The following KCNMA1 variants were observed in gnomAD, a reference collection of about 807,000 sequenced individuals.
KCNMA1 encodes the protein potassium calcium-activated channel subfamily M alpha 1.
KCNMA1 carries 29 observed loss-of-function variants against 140.0 expected under a neutral mutation model. That is an observed-to-expected ratio of 0.21 (90% confidence interval 0.15 to 0.28). The LOEUF (loss-of-function observed/expected upper bound fraction) is 0.28. Ranked by LOEUF, KCNMA1 falls within the 10% of genes least tolerant of loss-of-function variation. KCNMA1 has a pLI of 1.00. For synonymous variants in KCNMA1, 612 were observed against 611.9 expected, an observed-to-expected ratio of 1.00 and a Z score of 0.00; for missense variants, 880 against 1,602.2, an observed-to-expected ratio of 0.55 and a Z score of 7.70.
At chr10:77,057,270 C>T (rs1446024576) in intron 14 of KCNMA1, among the ~76,000 whole-genome samples, 1 of 152,080 alleles carries the variant, frequency 6.6e-6, no homozygotes, top group East Asian at 1.9e-4. Flanking sequence ...GAAAGTAGAA[C>T]AACACTTTTA....
At chr10:77,535,497 A>C (rs2058694173) in intron 1 of KCNMA1, among the ~76,000 whole-genome samples, 1 of 152,194 alleles carries the variant, frequency 6.6e-6, no homozygotes, top group African/African-American at 2.4e-5. Flanking sequence ...GTTCCTCAAA[A>C]AACTAAAAAT....
Position 76,893,406 on chromosome 10 carries a change from C to T in KCNMA1, c.3148-1687G>A, listed in dbSNP as rs79934052. On this transcript the variant is annotated intron_variant, in intron 25 of 27. Transcript: ENST00000286628. Reference sequence around the variant, plus strand: ...GTGGGGAACTCAGGGCTTTAAAAACCAAGCAAGGGATTTTAAACTCGATGT... The same window carrying T: ...GTGGGGAACTCAGGGCTTTAAAAACTAAGCAAGGGATTTTAAACTCGATGT... 8.8e-3 allele frequency among the ~76,000 whole-genome samples: 1,338 copies of T among 152,140 alleles called. 16 individuals are homozygous for T. The highest frequency in any genetic ancestry group is 0.031 in the African/African-American group (1,268 of 41,510).
At chr10:76,999,355 C>T (rs2085434686) in intron 19 of KCNMA1, among the ~76,000 whole-genome samples, 1 of 152,192 alleles carries the variant, frequency 6.6e-6, no homozygotes, top group African/African-American at 2.4e-5. Context: ...CAGAGTGGCT[C>T]CTTTCTTTTC....
intron 18 of KCNMA1, among the ~76,000 whole-genome samples, chr10:77,003,957 A>T (rs1283405850): frequency 6.6e-6 from 1 of 152,260 alleles, no homozygotes; most frequent in East Asian, 1.9e-4. Context: ...TGCAACTGTT[A>T]TTGTTAGCCG....
chr10:77,195,422 C>CA (rs1332005432), intron 3 of KCNMA1, among the ~76,000 whole-genome samples: 6 of 152,122 alleles, frequency 3.9e-5, no homozygotes, highest in African/African-American at 1.4e-4. Flanking sequence ...ACCTTTAAAA[C>CA]AAACTGTCAT....
At chr10:77,242,621 G>A (rs1238679245) in intron 3 of KCNMA1, among the ~76,000 whole-genome samples, 1 of 151,942 alleles carries the variant, frequency 6.6e-6, no homozygotes, top group Non-Finnish European at 1.5e-5. Flanking sequence ...TTTATATATG[G>A]CTGGACTTCC....
At chr10:76,911,263 G>C (rs1283498137) in intron 24 of KCNMA1, 1 of 152,054 alleles carries the variant, frequency 6.6e-6, no homozygotes, top group East Asian at 1.9e-4. Flanking sequence ...AGCATGAAAG[G>C]CTAGGCATGG....
chr10:77,337,712 A>T (rs964360788), intron 2 of KCNMA1, among the ~76,000 whole-genome samples: 1 of 152,186 alleles, frequency 6.6e-6, no homozygotes, highest in African/African-American at 2.4e-5. Context: ...CTGTTGACAA[A>T]TATTTCCTGC....
At chr10:76,959,875 TTC>T (rs1397518475) in intron 20 of KCNMA1, among the ~76,000 whole-genome samples, 3 of 152,236 alleles carry the variant, frequency 2.0e-5, no homozygotes, top group Admixed American at 6.5e-5. Context: ...TGTAGGTAAT[TTC>T]TGTTATTATC....
chr10:76,919,365 C>T (rs2054350779), intron 23 of KCNMA1, among the ~76,000 whole-genome samples: 2 of 152,186 alleles, frequency 1.3e-5, no homozygotes, highest in African/African-American at 4.8e-5. Flanking sequence ...GAACTCCTTA[C>T]ACTGTAAGTT....
chr10:76,910,804 A>G (rs1450275155), intron 24 of KCNMA1: 1 of 156,126 alleles, frequency 6.4e-6, no homozygotes, highest in Non-Finnish European at 1.4e-5. Context: ...AAACAGCTCA[A>G]TCTTTTATAT....
chr10:77,600,817 C>T (rs951387737), intron 1 of KCNMA1, among the ~76,000 whole-genome samples: 4 of 152,018 alleles, frequency 2.6e-5, no homozygotes, highest in Non-Finnish European at 5.9e-5. Flanking sequence ...ACAGACACAC[C>T]TTGTTCAAGG....
Position 77,575,088 on chromosome 10 carries a change from G to A in KCNMA1, c.378+62177C>T, listed in dbSNP as rs574354845. Among the ~76,000 whole-genome samples the A allele has an allele frequency of 1.3e-4, 20 of 152,268 alleles. No homozygotes were observed. In the East Asian group the frequency reaches 3.7e-3, roughly 28 times the overall value. On this transcript the variant is annotated intron_variant, in intron 1 of 27. Transcript: ENST00000286628. ...TGTTGCCCAGCCTCCTGGGAGATGG[G>A]CAGTGGCATAGCAAAGGGATTACTT...
intron 14 of KCNMA1, among the ~76,000 whole-genome samples, chr10:77,064,859 G>A (rs1178699423): frequency 6.6e-6 from 1 of 152,180 alleles, no homozygotes; most frequent in Non-Finnish European, 1.5e-5. Context: ...TGGATTTTCT[G>A]GCAGTTGAAG....
intron 1 of KCNMA1, among the ~76,000 whole-genome samples, chr10:77,531,952 A>G (rs1239280365): frequency 6.6e-6 from 1 of 152,216 alleles, no homozygotes. Flanking sequence ...CACTGAGGAA[A>G]TTGCCAATTA....
rs11325401 is a variant in KCNMA1, at chr10:77,204,098, G to GA, written c.603-19183dup. ...GGGACACAGTGAGACTCCCTCTCAG[G>GA]AAAAAAAAAAAAAAGAAAGAAAGAA... is the stretch of plus-strand genomic sequence containing the variant. On this transcript the variant is annotated intron_variant, in intron 3 of 27. Coordinates refer to ENST00000286628, the MANE Select transcript of KCNMA1 (RefSeq NM_001161352.2). Among the ~76,000 whole-genome samples the GA allele has an allele frequency of 5.7e-3, 690 of 120,164 alleles. 2 individuals are homozygous for GA. The highest frequency in any genetic ancestry group is 0.015 in the African/African-American group (496 of 32,926). 78.8% of individuals were successfully genotyped at this position (120,164 alleles called of 152,430 possible).
At chr10:77,595,879 T>C (rs892119011) in intron 1 of KCNMA1, among the ~76,000 whole-genome samples, 1 of 152,172 alleles carries the variant, frequency 6.6e-6, no homozygotes, top group South Asian at 2.1e-4. Flanking sequence ...CTCGAACTCC[T>C]GACCTCGTGA....
At chr10:77,090,626 T>C in intron 9 of KCNMA1, 116 bp from the exon 10 acceptor site, 1 of 732,992 alleles carries the variant, frequency 1.4e-6, no homozygotes, top group Non-Finnish European at 2.5e-6. Context: ...ATCTCCTCCC[T>C]CCGCCTCCAT....
At chr10:76,954,156 C>T (rs552750357) in intron 20 of KCNMA1, among the ~76,000 whole-genome samples, 38 of 152,198 alleles carry the variant, frequency 2.5e-4, no homozygotes, top group African/African-American at 7.7e-4. Context: ...GCCTTTCCCC[C>T]GCTCCTCTTT....
Sources: gnomAD v4.1 joint callset for allele counts (sites outside exome capture counted in the v4.1 genomes callset) on GRCh38, gnomAD v4.1.1 for gene constraint, MANE v1.5 for transcripts, NCBI Gene and HGNC (gene_info 2026-07-23, HGNC 2026-07-21) for gene names.